The following CEACAM1 variants were observed in gnomAD, a reference collection of about 807,000 sequenced individuals.
The protein encoded by CEACAM1 is CEA cell adhesion molecule 1, also known as cell adhesion molecule CEACAM1.
CEACAM1 carries 31 observed loss-of-function variants against 49.1 expected under a neutral mutation model. The observed-to-expected ratio is 0.63, with a 90% CI of 0.47 to 0.85. The LOEUF is 0.85. Ranked by LOEUF, CEACAM1 falls within the 40% of genes least tolerant of loss-of-function variation. The probability of loss-of-function intolerance (pLI) is 0.00; values close to 1 mark genes in which losing one functional copy is unlikely to be tolerated. For synonymous variants in CEACAM1, 244 were observed against 247.8 expected (o/e 0.98, Z 0.14); for missense variants, 570 against 645.3 (o/e 0.88, Z 1.26).
intron 5 of CEACAM1, among the ~76,000 whole-genome samples, chr19:42,513,713 C>T (rs1350302036): frequency 6.7e-6 from 1 of 149,254 alleles, no homozygotes; most frequent in African/African-American, 2.5e-5. Context: ...GCCTTACTTT[C>T]CCTCACAGGC....
chr19:42,521,544 A>T (rs1327491785), intron 3 of CEACAM1, 23 bp from the exon 4 acceptor site: 1 of 1,607,680 alleles, frequency 6.2e-7, no homozygotes, highest in South Asian at 1.1e-5. Context: ...GAATAAAGCC[A>T]CAGGTGATGT....
intron 8 of CEACAM1, among the ~76,000 whole-genome samples, chr19:42,510,210 C>T (rs2041424629): frequency 1.3e-5 from 2 of 152,212 alleles, no homozygotes; most frequent in Non-Finnish European, 2.9e-5. Context: ...CTCAGCCTCC[C>T]AAGTAGCTGG....
intron 5 of CEACAM1, chr19:42,516,649 C>A (rs533248318): frequency 6.8e-5 from 11 of 161,104 alleles, no homozygotes; most frequent in Non-Finnish European, 1.1e-4. Flanking sequence ...AAAATTCATT[C>A]TAAAATTTAT....
intron 5 of CEACAM1, among the ~76,000 whole-genome samples, chr19:42,512,750 T>C (rs2041491740): frequency 1.3e-5 from 2 of 151,786 alleles, no homozygotes; most frequent in Non-Finnish European, 2.9e-5. Context: ...TGATCTTGGC[T>C]CACTGCAACC....
intron 2 of CEACAM1, among the ~76,000 whole-genome samples, chr19:42,524,967 T>A (rs989047009): frequency 6.6e-6 from 1 of 152,094 alleles, no homozygotes; most frequent in African/African-American, 2.4e-5. Flanking sequence ...GGAGCAGGTA[T>A]GGCAAGAACC....
At chr19:42,527,556 G>C (rs1488811904) in intron 1 of CEACAM1, among the ~76,000 whole-genome samples, 156 bp from the exon 2 acceptor site, 1 of 137,986 alleles carries the variant, frequency 7.2e-6, no homozygotes, top group Non-Finnish European at 1.6e-5. Context: ...TGTCCTACTG[G>C]GTCAAGGTCA....
chr19:42,525,286 A>G (rs1013161670), intron 2 of CEACAM1, among the ~76,000 whole-genome samples: 2 of 149,248 alleles, frequency 1.3e-5, no homozygotes, highest in African/African-American at 5.0e-5. Flanking sequence ...GCACAGTGAC[A>G]TGATCTTGGC....
intron 5 of CEACAM1, among the ~76,000 whole-genome samples, chr19:42,515,623 A>G (rs1172631666): frequency 1.3e-5 from 2 of 152,072 alleles, no homozygotes; most frequent in Admixed American, 6.6e-5. Flanking sequence ...GTGGTGAGCC[A>G]TGATCAGCCT....
chr19:42,518,905 T>C (rs1251084756), intron 5 of CEACAM1, 43 bp downstream of exon 5: 1 of 1,598,842 alleles, frequency 6.3e-7, no homozygotes, highest in South Asian at 1.1e-5. Context: ...ATTGACAGAG[T>C]AATCCTAGAG....
chr19:42,522,245 T>C, intron 2 of CEACAM1, 43 bp from the exon 3 acceptor site: 1 of 1,607,942 alleles, frequency 6.2e-7, no homozygotes, highest in Non-Finnish European at 8.5e-7. Flanking sequence ...GTGGCACCTT[T>C]GATTCCTCCA....
rs2041366152 is a variant in CEACAM1, at chr19:42,507,650, A to T, written c.*1459T>A. On this transcript the variant is annotated 3_prime_UTR_variant, in exon 9 of 9. Transcript: ENST00000161559. ...CTGTCCTTCCTTTTTATTATAAGAT[A>T]CATTTATAGACCCCATAGAAGAAAA... is the stretch of plus-strand genomic sequence containing the variant. 6.6e-6 allele frequency: 1 copy of T among 152,262 alleles called. No homozygotes were observed. The highest frequency in any genetic ancestry group is 2.4e-5 in the African/African-American group (1 of 41,478). The allele number at this position is 152,262 out of a possible 1,614,324, so 9.4% of individuals were successfully genotyped here. A position where few individuals can be genotyped will look rare whatever the true frequency, so the allele number is the denominator to read the frequency against.
At position 42,527,300 on chromosome 19, in the gene CEACAM1, G is replaced by A; in HGVS notation, c.165C>T (p.Val55=). 1 of 1,614,144 alleles carries A rather than the reference G, an allele frequency of 6.2e-7. No homozygotes were observed. Among genetic ancestry groups the A allele is most frequent in the Non-Finnish European group, 8.5e-7 (1 of 1,180,022 alleles). ...VAEGKEVLLL[V]HNLPQQLFGY... The stretch of plus-strand genomic sequence containing the variant: ...CAAAAAGTTGCTGGGGCAGATTGTG[G>A]ACAAGGAGAAGAACCTCCTTCCCCT... Residue 55 remains valine, a synonymous_variant, in exon 2 of 9, where the codon GTC becomes GTT. Coordinates refer to ENST00000161559, the MANE Select transcript of CEACAM1 (RefSeq NM_001712.5).
intron 5 of CEACAM1, chr19:42,514,928 CTG>C (rs1351034187): frequency 1.7e-6 from 1 of 581,940 alleles, no homozygotes; most frequent in Non-Finnish European, 3.0e-6. Context: ...AACATTTCCT[CTG>C]TGTGTGGTGT....
intron 4 of CEACAM1, chr19:42,520,442 C>G (rs2041715010): frequency 6.6e-6 from 1 of 152,338 alleles, no homozygotes; most frequent in Non-Finnish European, 1.5e-5. Flanking sequence ...CGGCTCATTG[C>G]AACCTCTGCC....
At chr19:42,524,025 T>C (rs2041826861) in intron 2 of CEACAM1, among the ~76,000 whole-genome samples, 1 of 152,252 alleles carries the variant, frequency 6.6e-6, no homozygotes, top group Admixed American at 6.5e-5. Context: ...AAGAGTTCTA[T>C]GTTACAAATT....
In CEACAM1 at chr19:42,521,397, T is replaced by G; in HGVS notation, c.828A>C (p.Thr276=). Reference sequence around the variant, plus strand: ...AGAGCTCTTGTGTGCTTTGCTGGAATGTTCCATTGATAAGCCAGGAGTACT... The same window carrying G: ...AGAGCTCTTGTGTGCTTTGCTGGAAGGTTCCATTGATAAGCCAGGAGTACT... ...PAQYSWLING[T]FQQSTQELFI... is the part of the protein sequence containing the mutation. Residue 276 remains threonine (T), a synonymous_variant, in exon 4 of 9, where the codon ACA becomes ACC. Transcript: ENST00000161559. 6.2e-7 allele frequency: 1 copy of G among 1,614,228 alleles called. No individual in the cohort carries two copies. Among genetic ancestry groups the G allele is most frequent in the East Asian group, 2.2e-5 (1 of 44,886 alleles).
Position 42,527,418 on chromosome 19 carries a change from GCAT to G in CEACAM1, c.65-21_65-19del. ...AAGTGAGGCTAGGAGAGAGGAGAGA[GCAT>G]CAGTCAATATTGGGACCTATGCATT... On this transcript the variant is annotated intron_variant, in intron 1 of 8. Coordinates refer to ENST00000161559, the MANE Select transcript of CEACAM1 (RefSeq NM_001712.5). 6.4e-7 allele frequency: 1 copy of G among 1,570,716 alleles called. No homozygotes were observed. The highest frequency in any genetic ancestry group is 8.6e-7 in the Non-Finnish European group (1 of 1,159,688).
At chr19:42,527,524 T>C (rs967894627) in intron 1 of CEACAM1, 124 bp from the exon 2 acceptor site, 2 of 1,213,824 alleles carry the variant, frequency 1.6e-6, no homozygotes, top group Non-Finnish European at 2.3e-6. Context: ...TGTGTGTGTG[T>C]GTGTGTGTGT....
chr19:42,515,076 C>A, intron 5 of CEACAM1: 1 of 665,064 alleles, frequency 1.5e-6, no homozygotes. Flanking sequence ...CGAGTCCAGC[C>A]TGGGTAACAT....
Sources: allele counts gnomAD v4.1 joint callset (sites outside exome capture counted in the v4.1 genomes callset), GRCh38; gene constraint gnomAD v4.1.1; transcripts MANE v1.5; gene names NCBI Gene and HGNC (gene_info 2026-07-23, HGNC 2026-07-21).